The following MYH13 variants were observed in gnomAD, a reference collection of about 807,000 sequenced individuals.
The protein encoded by MYH13 is myosin-13.
A neutral mutation model predicts 232.1 loss-of-function variants in MYH13; 177 were observed. That is an observed-to-expected ratio of 0.76 (90% CI 0.67 to 0.86). MYH13 has a LOEUF of 0.86. MYH13 is among the 40% of genes least tolerant of loss of function. The probability of loss-of-function intolerance (pLI) is 0.00; values close to 1 mark genes in which losing one functional copy is unlikely to be tolerated. For synonymous variants in MYH13, 884 were observed against 923.5 expected, an observed-to-expected ratio of 0.96 and a Z score of 0.78; for missense variants, 2,246 against 2,405.9, an observed-to-expected ratio of 0.93 and a Z score of 1.39.
In MYH13 at chr17:10,306,495, C is replaced by T. The variant is rs757529882; in HGVS notation, c.5430G>A (p.Lys1810=). Residue 1810 remains lysine, a synonymous_variant, in exon 37 of 41, where the codon AAG becomes AAA. Coordinates refer to ENST00000252172, the MANE Select transcript of MYH13 (RefSeq NM_003802.3). This position sits in a 1 kb window ranked among gnomAD's most constrained non-coding sequence, Gnocchi z 4.3. ...RLDEAEQLAL[K]GGKKQIQKLE... is the part of the protein sequence containing the mutation. ...GTTTCTGGATCTGCTTCTTCCCGCC[C>T]TTCAGCGCCAGTTGTTCAGCCTCAT... is the stretch of plus-strand genomic sequence containing the variant. The T allele has an allele frequency of 2.5e-6, 4 of 1,614,164 alleles. No individual in the cohort carries two copies. The highest frequency in any genetic ancestry group is 3.4e-6 in the Non-Finnish European group (4 of 1,180,026).
chr17:10,306,825 C>T lies in MYH13; in HGVS notation c.5295+114G>A. ...ACCTCATTACATCTGTCTGGGAAGC[C>T]ACCACTAACCGATTGTTGTCATAAG... is the stretch of plus-strand genomic sequence containing the variant. On this transcript the variant is annotated intron_variant, in intron 36 of 40. Transcript: ENST00000252172. The surrounding 1 kb of genome is among the most constrained non-coding windows in gnomAD (Gnocchi z 4.3). The T allele has an allele frequency of 6.4e-7, 1 of 1,564,016 alleles. No individual in the cohort carries two copies. The highest frequency in any genetic ancestry group is 8.6e-7 in the Non-Finnish European group (1 of 1,160,488).
rs775545108 is a variant in MYH13 at position 10,362,434 on chromosome 17, C to T, written c.274G>A (p.Ala92Thr). The T allele has an allele frequency of 1.5e-5, 24 of 1,614,008 alleles. 1 individual carries two copies. In the South Asian group the frequency reaches 2.4e-4, roughly 16 times the overall value. Reference sequence around the variant, plus strand: ...GGTTCATGCAGGTGAGTCATCATGGCCATGTCCTCGATCTTGTCAAATTTG... The same window carrying T: ...GGTTCATGCAGGTGAGTCATCATGGTCATGTCCTCGATCTTGTCAAATTTG... Reference protein sequence around the residue: ...PPKFDKIEDMAMMTHLHEPAV... With the variant: ...PPKFDKIEDMTMMTHLHEPAV... The change falls in exon 4 of 41, where the codon GCC becomes ACC. Residue 92 changes from alanine (A) to threonine (T), a missense_variant. Ala to Thr is a moderately conservative substitution (Grantham distance 58). Coordinates refer to ENST00000252172, the MANE Select transcript of MYH13 (RefSeq NM_003802.3).
rs1907476626 is a variant in MYH13, at chr17:10,333,306, G to A, written c.2057-115C>T. The A allele has an allele frequency of 4.8e-5, 36 of 745,420 alleles. No homozygotes were observed. In the South Asian group the frequency reaches 5.8e-4, roughly 12 times the overall value. 46.2% of individuals were successfully genotyped at this position (745,420 alleles called of 1,614,324 possible). A position where few individuals can be genotyped will look rare whatever the true frequency, so the allele number is the denominator to read the frequency against. ...CACTTGAGTGGGAGAGTCAGTGAGTGGGAGAGTCAGTGCCAGCTCCAAGGT... is the reference window on the plus strand; with the variant it reads ...CACTTGAGTGGGAGAGTCAGTGAGTAGGAGAGTCAGTGCCAGCTCCAAGGT... On this transcript the variant is annotated intron_variant, in intron 18 of 40. Coordinates refer to ENST00000252172, the MANE Select transcript of MYH13 (RefSeq NM_003802.3).
At chr17:10,316,199 G>A (rs1446022654) in intron 27 of MYH13, among the ~76,000 whole-genome samples, 174 bp from the exon 28 acceptor site, 1 of 152,174 alleles carries the variant, frequency 6.6e-6, no homozygotes, top group East Asian at 1.9e-4. Flanking sequence ...AGTGGCTCAC[G>A]CCTATAATCC....
chr17:10,320,076 G>T, intron 26 of MYH13, 77 bp downstream of exon 26: 2 of 1,105,324 alleles, frequency 1.8e-6, no homozygotes, highest in Non-Finnish European at 2.6e-6. Flanking sequence ...AGCAGCTAAA[G>T]AAACAAGGGG....
chr17:10,354,394 A>T (rs944044022), intron 11 of MYH13, among the ~76,000 whole-genome samples: 5 of 152,212 alleles, frequency 3.3e-5, no homozygotes, highest in African/African-American at 1.2e-4. Flanking sequence ...TGTTAGGTTA[A>T]AGATCTTATA....
intron 19 of MYH13, among the ~76,000 whole-genome samples, chr17:10,332,687 A>G (rs907956225): frequency 1.3e-5 from 2 of 152,076 alleles, no homozygotes; most frequent in Non-Finnish European, 2.9e-5. Flanking sequence ...ATGTCTAGAG[A>G]GTTTTGATTG....
In MYH13 at chr17:10,312,672, G is replaced by C; in HGVS notation, c.4267C>G (p.Gln1423Glu). 1.2e-6 allele frequency: 2 copies of C among 1,613,456 alleles called. No individual in the cohort carries two copies. Among genetic ancestry groups the C allele is most frequent in the Non-Finnish European group, 1.7e-6 (2 of 1,179,706 alleles). The change falls in exon 31 of 41, where the codon CAG (glutamine) becomes GAG (glutamate). Residue 1423 changes from glutamine (Q) to glutamate (E), a missense_variant. Coordinates refer to ENST00000252172, the MANE Select transcript of MYH13 (RefSeq NM_003802.3). ...TCCTCCACCTCTCCCTGCAGCCTCT[G>C]CTTGGTTTTCTCCAACGATGCGCAC... The part of the protein sequence containing the change: ...SKCASLEKTK[Q>E]RLQGEVEDLM...
intron 18 of MYH13, among the ~76,000 whole-genome samples, 159 bp from the exon 19 acceptor site, chr17:10,333,350 A>G (rs1907478565): frequency 1.3e-5 from 2 of 152,224 alleles, no homozygotes; most frequent in Admixed American, 6.5e-5. Flanking sequence ...GGGGGTGGCT[A>G]GAGCCTGCCT....
rs71139041 is a variant in MYH13 at position 10,347,712 on chromosome 17, C to CTTTTTTTT, written c.1145-922_1145-915dup. Among the ~76,000 whole-genome samples, 607 of 86,630 alleles carry CTTTTTTTT rather than the reference C, an allele frequency of 7.0e-3. 19 individuals carry two copies. The highest frequency in any genetic ancestry group is 0.011 in the Middle Eastern group (1 of 90). 56.8% of individuals were successfully genotyped at this position (86,630 alleles called of 152,430 possible). On this transcript the variant is annotated intron_variant, in intron 12 of 40. Transcript: ENST00000252172. ...AAATGCTGCTCCCCAGGGACTACTT[C>CTTTTTTTT]TTTTTTTTTTTTTTTTTTTTTTTGG...
intron 27 of MYH13, among the ~76,000 whole-genome samples, chr17:10,318,410 T>C (rs1906794138): frequency 6.6e-6 from 1 of 152,088 alleles, no homozygotes; most frequent in Admixed American, 6.5e-5. Context: ...AGTGTTCTTA[T>C]AATAGAGGCC....
In MYH13 at chr17:10,343,867, C is replaced by T. The variant is rs1470020535; in HGVS notation, c.1827G>A (p.Gly609=). ...GCTTCAGCGAAGACTTCTGGTACAG[C>T]CCCACCACAGTCTCGTTCAGGGGGT... The part of the protein sequence containing the change: ...NKDPLNETVV[G]LYQKSSLKLL... The change falls in exon 16 of 41, where the codon GGG becomes GGA. Residue 609 remains glycine, a synonymous_variant. Transcript: ENST00000252172. 12 of 1,614,012 alleles carry T rather than the reference C, an allele frequency of 7.4e-6. No homozygotes were observed. Among genetic ancestry groups the T allele is most frequent in the Non-Finnish European group, 1.0e-5 (12 of 1,179,986 alleles).
rs764990710 is a variant in MYH13, at chr17:10,332,119, ACTG to A, written c.2275_2277del (p.Gln759del). On this transcript the variant is annotated inframe_deletion, in exon 20 of 41. Coordinates refer to ENST00000252172, the MANE Select transcript of MYH13 (RefSeq NM_003802.3). ...CTCACCTTGGTGTTGCCGAACCTGAACTGCTCCCGGTCCACATCGATGGAGTTG... is the reference window on the plus strand; with the variant it reads ...CTCACCTTGGTGTTGCCGAACCTGAACTCCCGGTCCACATCGATGGAGTTG... 1.2e-6 allele frequency: 2 copies of A among 1,613,894 alleles called. No homozygotes were observed. Among genetic ancestry groups the A allele is most frequent in the South Asian group, 2.2e-5 (2 of 91,072 alleles).
intron 37 of MYH13, among the ~76,000 whole-genome samples, chr17:10,303,971 GGGACAT>G (rs1280871562): frequency 6.6e-6 from 1 of 152,072 alleles, no homozygotes; most frequent in Non-Finnish European, 1.5e-5. Context: ...GTCCTTTTCA[GGGACAT>G]GGATGAAGCT....
chr17:10,355,465 T>G (rs1279532507), intron 8 of MYH13, among the ~76,000 whole-genome samples: 3 of 152,212 alleles, frequency 2.0e-5, no homozygotes, highest in Non-Finnish European at 4.4e-5. Context: ...TCAATAATTC[T>G]GTCCGTAAAC....
In MYH13 at chr17:10,312,426, A is replaced by G. The variant is rs774343925; in HGVS notation, c.4365+148T>C. ...CTTCTAGGATGTGCAGGTATCTCACACATCTAAGCGTGAAACTGTTGTTTT... is the reference window on the plus strand; with the variant it reads ...CTTCTAGGATGTGCAGGTATCTCACGCATCTAAGCGTGAAACTGTTGTTTT... On this transcript the variant is annotated intron_variant, in intron 31 of 40. Transcript: ENST00000252172. The G allele has an allele frequency of 2.4e-4, 227 of 949,068 alleles. No homozygotes were observed. In the Middle Eastern group the frequency reaches 3.7e-3, roughly 16 times the overall value. The allele number at this position is 949,068 out of a possible 1,614,324, so 58.8% of individuals were successfully genotyped here.
intron 7 of MYH13, 130 bp from the exon 8 acceptor site, chr17:10,357,957 G>T: frequency 1.4e-6 from 1 of 709,620 alleles, no homozygotes; most frequent in Non-Finnish European, 2.4e-6. Flanking sequence ...CTGGTGGTCA[G>T]TGCAGCACCC....
At chr17:10,338,634 T>A (rs1002675261) in intron 18 of MYH13, among the ~76,000 whole-genome samples, 6 of 152,062 alleles carry the variant, frequency 3.9e-5, no homozygotes, top group African/African-American at 1.2e-4. Flanking sequence ...AGTAACCACT[T>A]TATGAGTGCT....
intron 2 of MYH13, among the ~76,000 whole-genome samples, chr17:10,370,545 C>T (rs2071870140): frequency 6.6e-6 from 1 of 152,152 alleles, no homozygotes. Flanking sequence ...CCCCCGCCTG[C>T]CTAATCTCCA....
Sources: allele counts gnomAD v4.1 joint callset (sites outside exome capture counted in the v4.1 genomes callset), GRCh38; gene constraint gnomAD v4.1.1; non-coding constraint Gnocchi (gnomAD v3.1); transcripts MANE v1.5; gene names NCBI Gene and HGNC (gene_info 2026-07-23, HGNC 2026-07-21).